PRDM5: variants seen among roughly 807,000 people sequenced by gnomAD.
The protein encoded by PRDM5 is PR/SET domain 5.
PRDM5 carries 56 observed loss-of-function variants against 81.2 expected under a neutral mutation model. That is an observed-to-expected ratio of 0.69 (90% CI 0.56 to 0.86). PRDM5 has a LOEUF of 0.86. PRDM5 is among the 40% of genes least tolerant of loss of function. PRDM5 has a pLI of 0.00. For synonymous variants in PRDM5, 267 were observed against 256.4 expected, an observed-to-expected ratio of 1.04 and a Z score of -0.39; for missense variants, 697 against 770.1, an observed-to-expected ratio of 0.91 and a Z score of 1.12.
intron 14 of PRDM5, among the ~76,000 whole-genome samples, chr4:120,746,849 CT>C (rs1236805530): frequency 7.0e-6 from 1 of 143,472 alleles, no homozygotes; most frequent in African/African-American, 2.6e-5. Context: ...CTGTAAACTA[CT>C]TCAACCATTG....
chr4:120,772,131 A>G (rs1454959793), intron 13 of PRDM5, among the ~76,000 whole-genome samples: 1 of 152,154 alleles, frequency 6.6e-6, no homozygotes, highest in African/African-American at 2.4e-5. Context: ...AGAGGAGGGT[A>G]TAACAGGAAA....
At chr4:120,862,706 T>G (rs1360051469) in intron 2 of PRDM5, among the ~76,000 whole-genome samples, 1 of 152,188 alleles carries the variant, frequency 6.6e-6, no homozygotes. Context: ...ATGGGTTATG[T>G]TGAACACCTG....
chr4:120,781,450 T>G (rs909668477), intron 11 of PRDM5, 147 bp from the exon 12 acceptor site: 39 of 741,056 alleles, frequency 5.3e-5, no homozygotes, highest in Non-Finnish European at 8.1e-5. Context: ...CAAATTCCAG[T>G]TCCATTATTT....
intron 14 of PRDM5, among the ~76,000 whole-genome samples, chr4:120,727,044 A>AT (rs1231207610): frequency 2.0e-5 from 3 of 152,188 alleles, no homozygotes; most frequent in Admixed American, 1.3e-4. Context: ...GTGGAATGTC[A>AT]TTTTTTTGGC....
chr4:120,876,749 A>G (rs1486926564), intron 2 of PRDM5, among the ~76,000 whole-genome samples: 3 of 152,232 alleles, frequency 2.0e-5, no homozygotes, highest in African/African-American at 4.8e-5. Context: ...TCTATTTACC[A>G]CAAATCTCAG....
At chr4:120,740,577 CTGAG>C (rs1441251754) in intron 14 of PRDM5, among the ~76,000 whole-genome samples, 1 of 152,146 alleles carries the variant, frequency 6.6e-6, no homozygotes, top group Non-Finnish European at 1.5e-5. Flanking sequence ...ACCACCTATA[CTGAG>C]TATGTCTAAA....
intron 1 of PRDM5, among the ~76,000 whole-genome samples, chr4:120,915,890 A>T (rs1363150650): frequency 6.6e-6 from 1 of 152,144 alleles, no homozygotes; most frequent in Non-Finnish European, 1.5e-5. Context: ...GACAACAGAG[A>T]TCCTTCTCCC....
chr4:120,787,486 C>A (rs376486031), intron 10 of PRDM5, among the ~76,000 whole-genome samples: 1 of 152,088 alleles, frequency 6.6e-6, no homozygotes, highest in Non-Finnish European at 1.5e-5. Context: ...GTGTTGACAA[C>A]AAAATGTAGG....
chr4:120,818,241 T>C (rs113565153), intron 5 of PRDM5, 112 bp downstream of exon 5: 4 of 1,125,948 alleles, frequency 3.6e-6, no homozygotes, highest in South Asian at 1.4e-5. Context: ...ACACAAAACA[T>C]GCGCGTGCGC....
At chr4:120,858,751 CTG>C in intron 2 of PRDM5, among the ~76,000 whole-genome samples, 1 of 152,256 alleles carries the variant, frequency 6.6e-6, no homozygotes, top group South Asian at 2.1e-4. Context: ...TTACAGATAA[CTG>C]TTTCTTTACT....
chr4:120,711,376 G>A (rs949409799), intron 14 of PRDM5, among the ~76,000 whole-genome samples: 2 of 152,100 alleles, frequency 1.3e-5, no homozygotes, highest in African/African-American at 2.4e-5. Context: ...TTGGCTCACT[G>A]CAACCTCTGC....
intron 8 of PRDM5, among the ~76,000 whole-genome samples, chr4:120,805,197 A>G (rs1231372194): frequency 2.6e-4 from 39 of 152,192 alleles, no homozygotes; most frequent in Non-Finnish European, 1.0e-4. Context: ...TCTGAAATTG[A>G]GGCAATAATT....
chr4:120,717,194 T>G (rs530755438), intron 14 of PRDM5, among the ~76,000 whole-genome samples: 1 of 152,368 alleles, frequency 6.6e-6, no homozygotes, highest in South Asian at 2.1e-4. Context: ...TAATTCTGTT[T>G]CTGAATGATT....
intron 14 of PRDM5, among the ~76,000 whole-genome samples, chr4:120,739,045 T>C (rs1037457723): frequency 6.6e-6 from 1 of 152,222 alleles, no homozygotes; most frequent in African/African-American, 2.4e-5. Flanking sequence ...TCAACTAAGC[T>C]AGAAAGCCAA....
chr4:120,687,115 G>A (rs928803059), downstream of PRDM5, among the ~76,000 whole-genome samples: 1 of 151,958 alleles, frequency 6.6e-6, no homozygotes, highest in African/African-American at 2.4e-5. Context: ...CTTATTTTTA[G>A]AAGAGTATTA....
chr4:120,776,700 A>C (rs1213206725), intron 13 of PRDM5, among the ~76,000 whole-genome samples: 1 of 152,298 alleles, frequency 6.6e-6, no homozygotes, highest in African/African-American at 2.4e-5. Context: ...AGGAAGTGCT[A>C]AGAAAAGAAG....
At chr4:120,768,621 A>T (rs1746758152) in intron 13 of PRDM5, among the ~76,000 whole-genome samples, 1 of 152,226 alleles carries the variant, frequency 6.6e-6, no homozygotes, top group South Asian at 2.1e-4. Context: ...ACTGCAAAAG[A>T]CTATAATGTA....
At chr4:120,716,870 T>A (rs1369048535) in intron 14 of PRDM5, among the ~76,000 whole-genome samples, 1 of 152,112 alleles carries the variant, frequency 6.6e-6, no homozygotes, top group Non-Finnish European at 1.5e-5. Flanking sequence ...ATAAACGCAT[T>A]TTCTTTCTCA....
chr4:120,861,315 A>C (rs1760543422), intron 2 of PRDM5, among the ~76,000 whole-genome samples: 1 of 152,160 alleles, frequency 6.6e-6, no homozygotes, highest in Non-Finnish European at 1.5e-5. Context: ...GCCTGTAGTC[A>C]GCTTTTGGAG....
Sources: gnomAD v4.1 joint callset for allele counts (sites outside exome capture counted in the v4.1 genomes callset) on GRCh38, gnomAD v4.1.1 for gene constraint, MANE v1.5 for transcripts, NCBI Gene and HGNC (gene_info 2026-07-23, HGNC 2026-07-21) for gene names.